MYO1D: variants seen among roughly 807,000 people sequenced by gnomAD.
MYO1D encodes unconventional myosin-Id.
In MYO1D, 83 loss-of-function variants were observed where a neutral mutation model predicts 122.0. The ratio of observed to expected loss-of-function variants is 0.68; its 90% CI spans 0.57 to 0.82. The LOEUF (loss-of-function observed/expected upper bound fraction) is 0.82, where lower values mean the gene tolerates loss of function less well. Ranked by LOEUF, MYO1D falls within the 40% of genes least tolerant of loss-of-function variation. MYO1D has a pLI of 0.00. For synonymous variants in MYO1D, 464 were observed against 446.9 expected (o/e 1.04, Z -0.48); for missense variants, 1,157 against 1,269.5 (o/e 0.91, Z 1.35).
chr17:32,731,158 C>A (rs538187628), intron 14 of MYO1D, among the ~76,000 whole-genome samples: 1 of 152,270 alleles, frequency 6.6e-6, no homozygotes, highest in Non-Finnish European at 1.5e-5. Flanking sequence ...CTGCTCGCCT[C>A]GGCCTCCCAA....
chr17:32,626,753 T>G (rs1295950401), intron 20 of MYO1D, among the ~76,000 whole-genome samples: 1 of 152,164 alleles, frequency 6.6e-6, no homozygotes, highest in Non-Finnish European at 1.5e-5. Flanking sequence ...AGGAAAACCA[T>G]CAACGGGGGA....
intron 21 of MYO1D, among the ~76,000 whole-genome samples, chr17:32,584,942 T>C (rs1346325648): frequency 6.6e-6 from 1 of 152,222 alleles, no homozygotes; most frequent in Non-Finnish European, 1.5e-5. Context: ...ACATTGTCTG[T>C]TTCCTGTCAA....
rs769047057 is a variant in MYO1D at position 32,738,392 on chromosome 17, A to G, written c.1614-7T>C. 16 of 1,560,178 alleles carry G rather than the reference A, an allele frequency of 1.0e-5. No homozygotes were observed. The highest frequency in any genetic ancestry group is 1.3e-5 in the Non-Finnish European group (15 of 1,153,324). On this transcript the variant is annotated splice_region_variant and splice_polypyrimidine_tract_variant and intron_variant, in intron 13 of 21. Transcript: ENST00000318217. ...CTTGAGCACAGGATTTGAACTGAGAAGCACAGAAAAAACAATTCAAATGTC... is the reference window on the plus strand; with the variant it reads ...CTTGAGCACAGGATTTGAACTGAGAGGCACAGAAAAAACAATTCAAATGTC...
At chr17:32,855,638 C>T (rs1029743929) in intron 1 of MYO1D, among the ~76,000 whole-genome samples, 1 of 152,064 alleles carries the variant, frequency 6.6e-6, no homozygotes. Context: ...TAGTACTTTC[C>T]CCCTTTATTT....
chr17:32,560,097 A>G (rs947596963), intron 21 of MYO1D, among the ~76,000 whole-genome samples: 24 of 152,124 alleles, frequency 1.6e-4, no homozygotes, highest in Non-Finnish European at 3.1e-4. Flanking sequence ...CTCTACTAAA[A>G]ATACAAAATT....
In MYO1D at chr17:32,740,709, A is replaced by G. The variant is rs145480814; in HGVS notation, c.1614-2324T>C. Among the ~76,000 whole-genome samples, 616 of 152,264 alleles carry G rather than the reference A, an allele frequency of 4.0e-3. 14 individuals carry two copies. Among genetic ancestry groups the G allele is most frequent in the Admixed American group, 0.027 (406 of 15,300 alleles). Reference sequence around the variant, plus strand: ...AGGCTGGTCTCAAACTCCTGGGCTCACGCGATTCTCCCACCTCAGCCTCCC... The same window carrying G: ...AGGCTGGTCTCAAACTCCTGGGCTCGCGCGATTCTCCCACCTCAGCCTCCC... On this transcript the variant is annotated intron_variant, in intron 13 of 21. Transcript: ENST00000318217.
chr17:32,588,090 T>C (rs1199344871), intron 21 of MYO1D, among the ~76,000 whole-genome samples: 2 of 152,198 alleles, frequency 1.3e-5, no homozygotes, highest in Admixed American at 1.3e-4. Flanking sequence ...AGAAGAAAGC[T>C]AAATATCAAA....
At chr17:32,767,783 A>C (rs373719125) in intron 6 of MYO1D, 31 bp from the exon 7 acceptor site, 6 of 1,455,206 alleles carry the variant, frequency 4.1e-6, no homozygotes, top group Non-Finnish European at 5.8e-6. Context: ...CTGAAGTTAC[A>C]GATATTTCCT....
At chr17:32,565,580 G>T (rs1342872011) in intron 21 of MYO1D, among the ~76,000 whole-genome samples, 1 of 152,182 alleles carries the variant, frequency 6.6e-6, no homozygotes, top group African/African-American at 2.4e-5. Context: ...TGCTAAGTAG[G>T]CTGCTGTGAA....
chr17:32,821,841 C>G (rs1198040223), intron 1 of MYO1D, among the ~76,000 whole-genome samples: 3 of 152,146 alleles, frequency 2.0e-5, no homozygotes, highest in Non-Finnish European at 4.4e-5. Flanking sequence ...CAACCACAGG[C>G]AGCATTTTAA....
chr17:32,556,933 T>C (rs2087073073), intron 21 of MYO1D, among the ~76,000 whole-genome samples: 3 of 152,122 alleles, frequency 2.0e-5, no homozygotes, highest in Admixed American at 1.3e-4. Context: ...TCCTTTACAA[T>C]GTGGCTTGGT....
chr17:32,795,991 C>T (rs1267291222), intron 1 of MYO1D, among the ~76,000 whole-genome samples: 1 of 152,080 alleles, frequency 6.6e-6, no homozygotes, highest in Non-Finnish European at 1.5e-5. Flanking sequence ...GGGGTTCGAA[C>T]CGATACAAGA....
At chr17:32,528,103 C>T (rs948048821) in intron 21 of MYO1D, among the ~76,000 whole-genome samples, 7 of 152,222 alleles carry the variant, frequency 4.6e-5, no homozygotes, top group Non-Finnish European at 8.8e-5. Context: ...TCCCAAAGTG[C>T]TGGGATTACA....
chr17:32,864,892 G>A (rs1037051934), intron 1 of MYO1D, among the ~76,000 whole-genome samples: 2 of 152,096 alleles, frequency 1.3e-5, no homozygotes, highest in Admixed American at 6.5e-5. Flanking sequence ...TTTGAGTGTA[G>A]AGGTAGGACA....
At position 32,577,949 on chromosome 17, in the gene MYO1D, C is replaced by T. The variant is rs555657307; in HGVS notation, c.2864+27138G>A. On this transcript the variant is annotated intron_variant, in intron 21 of 21. Transcript: ENST00000318217. ...AGAGACAGGATTTCACTGTGTTAGC[C>T]AGGATGGTCTCGATCTCCTGACCTC... Among the ~76,000 whole-genome samples, 198 of 152,228 alleles carry T rather than the reference C, an allele frequency of 1.3e-3. 1 individual carries two copies. Among genetic ancestry groups the T allele is most frequent in the Middle Eastern group, 6.8e-3 (2 of 294 alleles).
intron 19 of MYO1D, among the ~76,000 whole-genome samples, chr17:32,644,407 A>G (rs2088254506): frequency 6.6e-6 from 1 of 152,020 alleles, no homozygotes; most frequent in Admixed American, 6.6e-5. Flanking sequence ...TGGGGTGGAG[A>G]GTTCTGTAGA....
At chr17:32,772,088 A>C (rs935258853) in intron 5 of MYO1D, among the ~76,000 whole-genome samples, 2 of 152,232 alleles carry the variant, frequency 1.3e-5, no homozygotes, top group Non-Finnish European at 2.9e-5. Flanking sequence ...AATTCGACTG[A>C]ATTGCATCCA....
Position 32,560,528 on chromosome 17 carries a change from C to CCTATAT in MYO1D, c.2864+44558_2864+44559insATATAG, listed in dbSNP as rs1233632484. Among the ~76,000 whole-genome samples the CCTATAT allele has an allele frequency of 5.7e-3, 373 of 65,416 alleles. 60 individuals are homozygous for CCTATAT. The highest frequency in any genetic ancestry group is 0.012 in the African/African-American group (235 of 19,834). 42.9% of individuals were successfully genotyped at this position (65,416 alleles called of 152,430 possible). A position where few individuals can be genotyped will look rare whatever the true frequency, so the allele number is the denominator to read the frequency against. On this transcript the variant is annotated intron_variant, in intron 21 of 21. Transcript: ENST00000318217. ...AAAAAAAAGTAATACCCAGAGACAA[C>CCTATAT]ATATATATATATATATATATATATA...
chr17:32,789,798 G>T (rs981053866), intron 1 of MYO1D, among the ~76,000 whole-genome samples: 2 of 152,154 alleles, frequency 1.3e-5, no homozygotes, highest in African/African-American at 4.8e-5. Context: ...GACGACCACT[G>T]CCAGCAGCTA....
Sources: gnomAD v4.1 joint callset for allele counts (sites outside exome capture counted in the v4.1 genomes callset) on GRCh38, gnomAD v4.1.1 for gene constraint, MANE v1.5 for transcripts, NCBI Gene and HGNC (gene_info 2026-07-23, HGNC 2026-07-21) for gene names.